EPHA6: variants seen among roughly 807,000 people sequenced by gnomAD.
EPHA6 encodes EPH receptor A6.
A neutral mutation model predicts 112.0 loss-of-function variants in EPHA6; 50 were observed. The observed-to-expected ratio is 0.45, with a 90% CI of 0.36 to 0.56. The LOEUF is 0.56. Among genes scored for constraint, EPHA6 ranks in the 20% least tolerant of loss-of-function variants. The probability of loss-of-function intolerance (pLI) is 0.00; values close to 1 mark genes in which losing one functional copy is unlikely to be tolerated. For synonymous variants in EPHA6, 529 were observed against 490.7 expected, an observed-to-expected ratio of 1.08 and a Z score of -1.03; for missense variants, 1,280 against 1,417.4, an observed-to-expected ratio of 0.90 and a Z score of 1.56.
At chr3:97,369,073 G>A (rs2084903802) in intron 5 of EPHA6, among the ~76,000 whole-genome samples, 1 of 152,164 alleles carries the variant, frequency 6.6e-6, no homozygotes, top group Non-Finnish European at 1.5e-5. Context: ...CAATGTCCCT[G>A]AGCTGGGAAA....
Position 97,623,217 on chromosome 3 carries a change from T to C in EPHA6, c.2574+12363T>C, listed in dbSNP as rs78797342. Among the ~76,000 whole-genome samples, 296 of 151,966 alleles carry C rather than the reference T, an allele frequency of 1.9e-3. 1 individual carries two copies. Among genetic ancestry groups the C allele is most frequent in the African/African-American group, 6.7e-3 (277 of 41,542 alleles). The stretch of plus-strand genomic sequence containing the variant: ...GAAGGTTTTGCACTGTGTTTTCTTC[T>C]AAGAGTTTTATAACTTGAGGTCTTA... On this transcript the variant is annotated intron_variant, in intron 13 of 17. Transcript: ENST00000389672.
intron 10 of EPHA6, among the ~76,000 whole-genome samples, chr3:97,517,172 G>T (rs2107607941): frequency 6.6e-6 from 1 of 152,186 alleles, no homozygotes; most frequent in African/African-American, 2.4e-5. Flanking sequence ...TAACCAAAAA[G>T]TGTTGTGTAG....
rs201015100 is a variant in EPHA6 at position 97,337,410 on chromosome 3, G to C, written c.1607-67740G>C. ...TTAATTGGCCTGACCCATTTACTAAGTCATTCTATTTCTCTTCTTAATCGT... is the reference window on the plus strand; with the variant it reads ...TTAATTGGCCTGACCCATTTACTAACTCATTCTATTTCTCTTCTTAATCGT... On this transcript the variant is annotated intron_variant, in intron 5 of 17. Coordinates refer to ENST00000389672, the MANE Select transcript of EPHA6 (RefSeq NM_001080448.3). Among the ~76,000 whole-genome samples, 11 of 152,202 alleles carry C rather than the reference G, an allele frequency of 7.2e-5. No homozygotes were observed. In the East Asian group the frequency reaches 2.1e-3, roughly 29 times the overall value.
At chr3:97,419,623 T>TCACA (rs113526453) in intron 6 of EPHA6, among the ~76,000 whole-genome samples, 10 of 149,570 alleles carry the variant, frequency 6.7e-5, no homozygotes, top group Admixed American at 2.7e-4. Flanking sequence ...AGACTCCCTC[T>TCACA]CACACACACA....
chr3:97,754,928 C>T lies in EPHA6; in HGVS notation c.*6227C>T, dbSNP rs917983450. Among the ~76,000 whole-genome samples the T allele has an allele frequency of 6.6e-6, 1 of 152,200 alleles. No homozygotes were observed. The highest frequency in any genetic ancestry group is 1.5e-5 in the Non-Finnish European group (1 of 68,042). On this transcript the variant is annotated 3_prime_UTR_variant, in exon 18 of 18. Transcript: ENST00000389672. ...CCGTGTTAGCCAGGATGGTCTCGAT[C>T]TCCTGACCTGGTGATCCAACCGCCT...
intron 5 of EPHA6, among the ~76,000 whole-genome samples, chr3:97,359,784 G>A (rs1485019114): frequency 6.6e-6 from 1 of 151,486 alleles, no homozygotes; most frequent in African/African-American, 2.4e-5. Flanking sequence ...TTTTTTTATT[G>A]CTATAGGCCT....
intron 1 of EPHA6, among the ~76,000 whole-genome samples, chr3:96,851,890 A>G (rs2035412189): frequency 6.6e-6 from 1 of 152,168 alleles, no homozygotes. Context: ...CAGAAGCGTC[A>G]TGTTGGTCCC....
At chr3:97,616,226 A>G (rs374908624) in intron 13 of EPHA6, among the ~76,000 whole-genome samples, 9 of 152,192 alleles carry the variant, frequency 5.9e-5, no homozygotes, top group African/African-American at 2.2e-4. Context: ...TAGCAGCCCT[A>G]TAGAAAAGTG....
chr3:97,335,751 T>A (rs530085346), intron 5 of EPHA6, among the ~76,000 whole-genome samples: 1 of 151,850 alleles, frequency 6.6e-6, no homozygotes. Flanking sequence ...AGAGAAAGAG[T>A]CATTATGCAG....
At chr3:96,856,892 T>C (rs1333808229) in intron 1 of EPHA6, among the ~76,000 whole-genome samples, 1 of 152,168 alleles carries the variant, frequency 6.6e-6, no homozygotes, top group Non-Finnish European at 1.5e-5. Context: ...TAAATGAGTC[T>C]CCTGTATGCC....
At chr3:96,853,540 T>A (rs1321287392) in intron 1 of EPHA6, among the ~76,000 whole-genome samples, 1 of 152,090 alleles carries the variant, frequency 6.6e-6, no homozygotes, top group African/African-American at 2.4e-5. Context: ...GTGCTTCTTT[T>A]TCATAGGTTT....
At chr3:97,105,499 G>A (rs1230152142) in intron 3 of EPHA6, among the ~76,000 whole-genome samples, 1 of 152,032 alleles carries the variant, frequency 6.6e-6, no homozygotes, top group South Asian at 2.1e-4. Flanking sequence ...GTTTCTATTG[G>A]ACTATTGTCC....
chr3:97,105,883 T>A (rs2047552505), intron 3 of EPHA6, among the ~76,000 whole-genome samples: 1 of 152,162 alleles, frequency 6.6e-6, no homozygotes. Flanking sequence ...TGTTGAATTG[T>A]ACCTTTTACC....
chr3:97,229,843 TC>T (rs1373066614), intron 4 of EPHA6, among the ~76,000 whole-genome samples: 1 of 152,164 alleles, frequency 6.6e-6, no homozygotes, highest in Non-Finnish European at 1.5e-5. Context: ...GTGACTGCTT[TC>T]TTCAGAAAAT....
At chr3:97,477,870 C>T (rs2091422303) in intron 8 of EPHA6, among the ~76,000 whole-genome samples, 1 of 151,954 alleles carries the variant, frequency 6.6e-6, no homozygotes, top group Non-Finnish European at 1.5e-5. Context: ...CTTTAAGGAG[C>T]TCTTAACTAC....
chr3:97,597,626 T>C (rs1046233249), intron 12 of EPHA6, among the ~76,000 whole-genome samples: 1 of 152,230 alleles, frequency 6.6e-6, no homozygotes, highest in South Asian at 2.1e-4. Flanking sequence ...GCAAAGGACA[T>C]ACAGTCCTCA....
chr3:97,672,175 C>A (rs1456779184), intron 14 of EPHA6, among the ~76,000 whole-genome samples: 1 of 152,104 alleles, frequency 6.6e-6, no homozygotes, highest in Non-Finnish European at 1.5e-5. Flanking sequence ...AAGTCTTTTT[C>A]AATTCCAATT....
At chr3:97,203,667 A>G (rs990046584) in intron 3 of EPHA6, among the ~76,000 whole-genome samples, 2 of 150,514 alleles carry the variant, frequency 1.3e-5, no homozygotes, top group East Asian at 3.9e-4. Context: ...TTTGGGAGTC[A>G]GGAGTCAGGA....
intron 1 of EPHA6, among the ~76,000 whole-genome samples, chr3:96,829,947 G>GCACACACACACA (rs1349079216): frequency 1.4e-5 from 1 of 70,460 alleles, no homozygotes; most frequent in East Asian, 6.0e-4. Context: ...GTGCGCGCGC[G>GCACACACACACA]CGCACACACA....
Sources: allele counts gnomAD v4.1 joint callset (sites outside exome capture counted in the v4.1 genomes callset), GRCh38; gene constraint gnomAD v4.1.1; transcripts MANE v1.5; gene names NCBI Gene and HGNC (gene_info 2026-07-23, HGNC 2026-07-21).